EGFLAM: variants seen among roughly 807,000 people sequenced by gnomAD.
The protein encoded by EGFLAM is EGF like, fibronectin type III and laminin G domains.
Under a neutral mutation model 113.1 loss-of-function variants are expected in EGFLAM, and 79 were observed. The observed-to-expected ratio is 0.70, with a 90% confidence interval of 0.58 to 0.84. The LOEUF is 0.84. Ranked by LOEUF, EGFLAM falls within the 40% of genes least tolerant of loss-of-function variation. The pLI is 0.00. For missense variants in EGFLAM, 1,265 were observed against 1,291.6 expected (o/e 0.98, Z 0.32); for synonymous variants, 504 against 487.6 (o/e 1.03, Z -0.44).
At chr5:38,462,836 AAATG>A in intron 20 of EGFLAM, 68 bp from the exon 21 acceptor site, 1 of 1,514,948 alleles carries the variant, frequency 6.6e-7, no homozygotes, top group Non-Finnish European at 9.1e-7. Flanking sequence ...ATTTGTATTG[AAATG>A]AATGAATGAT....
rs1222275658 is a variant in EGFLAM, at chr5:38,425,029, A to G, written c.1747A>G (p.Ile583Val). ...CATCCATGGTGGCACCTGCACAGCA[A>G]TCAAAGCCGACTCCTACATTTGCCT... ...SCIHGGTCTA[I>V]KADSYICLCP... The change falls in exon 13 of 22, where the codon ATC (isoleucine) becomes GTC (valine). Residue 583 changes from isoleucine to valine, a missense_variant. Physicochemically the swap from Ile to Val is conservative, Grantham distance 29. Transcript: ENST00000322350. 1 of 1,614,134 alleles carries G rather than the reference A, an allele frequency of 6.2e-7. No homozygotes were observed. Among genetic ancestry groups the G allele is most frequent in the East Asian group, 2.2e-5 (1 of 44,878 alleles).
intron 1 of EGFLAM, among the ~76,000 whole-genome samples, chr5:38,298,037 C>G (rs1162212273): frequency 6.6e-6 from 1 of 152,132 alleles, no homozygotes; most frequent in Non-Finnish European, 1.5e-5. Context: ...GGAAGAGCGG[C>G]TTGGAGAAAA....
intron 6 of EGFLAM, among the ~76,000 whole-genome samples, chr5:38,386,507 T>TTTTTTA (rs1425625485): frequency 6.6e-6 from 1 of 151,508 alleles, no homozygotes; most frequent in African/African-American, 2.4e-5. Flanking sequence ...AATACTTATT[T>TTTTTTA]TTTTTATTTT....
At chr5:38,453,147 G>A (rs1303335768) in intron 19 of EGFLAM, among the ~76,000 whole-genome samples, 1 of 152,162 alleles carries the variant, frequency 6.6e-6, no homozygotes, top group Non-Finnish European at 1.5e-5. Context: ...CTCTAGGGGT[G>A]GGGTCCAGCA....
chr5:38,420,750 G>A (rs1741795235), intron 12 of EGFLAM, among the ~76,000 whole-genome samples: 1 of 152,176 alleles, frequency 6.6e-6, no homozygotes, highest in African/African-American at 2.4e-5. Context: ...CTGACAGGTA[G>A]TTCAGAGGTT....
At position 38,451,318 on chromosome 5, in the gene EGFLAM, G is replaced by A. The variant is rs1349283909; in HGVS notation, c.2547G>A (p.Val849=). 11 of 1,613,008 alleles carry A rather than the reference G, an allele frequency of 6.8e-6. No individual in the cohort carries two copies. Among genetic ancestry groups the A allele is most frequent in the African/African-American group, 1.3e-5 (1 of 75,022 alleles). The part of the protein sequence containing the change: ...TYDNPDILKR[V]SGSRSNVFMR... ...CTTATTTGTGTATTTCCTCCAGGGT[G>A]TCAGGATCAAGATCAAATGTGTTCA... is the stretch of plus-strand genomic sequence containing the variant. Residue 849 remains valine (V), a synonymous_variant, in exon 19 of 22, where the codon GTG becomes GTA. Transcript: ENST00000322350.
chr5:38,336,882 C>T (rs2111944148), intron 1 of EGFLAM, among the ~76,000 whole-genome samples: 1 of 152,068 alleles, frequency 6.6e-6, no homozygotes, highest in South Asian at 2.1e-4. Context: ...AAGAGATATA[C>T]CACAATGCTA....
intron 6 of EGFLAM, chr5:38,400,989 A>G (rs1741097331): frequency 6.6e-6 from 1 of 152,156 alleles, no homozygotes; most frequent in African/African-American, 2.4e-5. Context: ...GTTTCCCCAA[A>G]CTGAGTGAAC....
chr5:38,305,514 T>C, intron 1 of EGFLAM: 1 of 451,774 alleles, frequency 2.2e-6, no homozygotes, highest in Non-Finnish European at 4.4e-6. Flanking sequence ...GAAGATCCAA[T>C]CCAGGAGAGG....
At chr5:38,329,183 G>C (rs1738973108) in intron 1 of EGFLAM, among the ~76,000 whole-genome samples, 1 of 152,056 alleles carries the variant, frequency 6.6e-6, no homozygotes, top group Non-Finnish European at 1.5e-5. Context: ...CAGCTACTCA[G>C]TTGGCTGAGG....
At chr5:38,459,363 C>A (rs2112288855) in intron 20 of EGFLAM, among the ~76,000 whole-genome samples, 1 of 152,192 alleles carries the variant, frequency 6.6e-6, no homozygotes, top group African/African-American at 2.4e-5. Context: ...TTCACTCAGC[C>A]CCAATTACAT....
At chr5:38,397,659 T>C (rs891274328) in intron 6 of EGFLAM, among the ~76,000 whole-genome samples, 5 of 152,164 alleles carry the variant, frequency 3.3e-5, no homozygotes, top group African/African-American at 7.2e-5. Context: ...CAATTAGGAA[T>C]GCATTAGCTG....
chr5:38,358,467 A>T (rs1739827001), intron 5 of EGFLAM, among the ~76,000 whole-genome samples: 1 of 151,416 alleles, frequency 6.6e-6, no homozygotes, highest in African/African-American at 2.4e-5. Context: ...AAAAAAAAAA[A>T]AGATTAACCT....
Position 38,435,203 on chromosome 5 carries a change from G to A in EGFLAM, c.2233G>A (p.Val745Met), listed in dbSNP as rs2561818. Residue 745 changes from valine (V) to methionine (M), a missense_variant, in exon 16 of 22, where the codon GTG becomes ATG. Physicochemically the swap from Val to Met is conservative, Grantham distance 21. Transcript: ENST00000322350. ...TGGCGGAGTCCCCAATTATGATGAT[G>A]TGAAGAAGAACTCGGGTGTCCTGAA... ...FIGGVPNYDD[V>M]KKNSGVLKPF... 5.0e-4 allele frequency: 807 copies of A among 1,614,170 alleles called. 2 individuals are homozygous for A. The African/African-American group carries it at 9.9e-3, about 20-fold the overall frequency.
intron 1 of EGFLAM, among the ~76,000 whole-genome samples, chr5:38,259,352 C>T (rs1233648617): frequency 1.3e-5 from 2 of 152,232 alleles, no homozygotes; most frequent in Non-Finnish European, 2.9e-5. Context: ...CATCCTCTTC[C>T]ACTCTGGGGC....
At chr5:38,293,346 G>A (rs535133234) in intron 1 of EGFLAM, among the ~76,000 whole-genome samples, 2 of 152,248 alleles carry the variant, frequency 1.3e-5, no homozygotes, top group South Asian at 2.1e-4. Context: ...AATTAAATAA[G>A]GATAACAATA....
At chr5:38,430,124 A>G in intron 14 of EGFLAM, 1 of 222,976 alleles carries the variant, frequency 4.5e-6, no homozygotes, top group Non-Finnish European at 9.5e-6. Flanking sequence ...TCTGGCCAGG[A>G]CCACCACCAG....
At chr5:38,453,537 A>G (rs1479077618) in intron 19 of EGFLAM, among the ~76,000 whole-genome samples, 5 of 152,086 alleles carry the variant, frequency 3.3e-5, no homozygotes, top group Non-Finnish European at 7.4e-5. Context: ...GGGACTTTGG[A>G]GACTCATATG....
intron 19 of EGFLAM, among the ~76,000 whole-genome samples, chr5:38,454,092 C>A (rs1319166619): frequency 6.6e-6 from 1 of 152,190 alleles, no homozygotes; most frequent in Non-Finnish European, 1.5e-5. Flanking sequence ...CTGCTCTGGT[C>A]CTGGAGCCGC....
Sources: allele counts gnomAD v4.1 joint callset (sites outside exome capture counted in the v4.1 genomes callset), GRCh38; gene constraint gnomAD v4.1.1; transcripts MANE v1.5; gene names NCBI Gene and HGNC (gene_info 2026-07-23, HGNC 2026-07-21).